VWC2: variants seen among roughly 807,000 people sequenced by gnomAD.
VWC2 encodes von Willebrand factor C domain containing 2.
VWC2 carries 14 observed loss-of-function variants against 29.8 expected under a neutral mutation model. The ratio of observed to expected loss-of-function variants is 0.47; its 90% CI spans 0.31 to 0.74. The LOEUF is 0.74. Among genes scored for constraint, VWC2 ranks in the 30% least tolerant of loss-of-function variants. The pLI is 0.05. For synonymous variants in VWC2, 213 were observed against 199.0 expected, an observed-to-expected ratio of 1.07 and a Z score of -0.59; for missense variants, 457 against 459.8, an observed-to-expected ratio of 0.99 and a Z score of 0.05.
rs116242478 is a variant in VWC2 at position 49,780,168 on chromosome 7, G to C, written c.696+4037G>C. Among the ~76,000 whole-genome samples, 214 of 152,326 alleles carry C rather than the reference G, an allele frequency of 1.4e-3. 2 individuals carry two copies. The highest frequency in any genetic ancestry group is 4.9e-3 in the African/African-American group (205 of 41,556). On this transcript the variant is annotated intron_variant, in intron 2 of 3. Coordinates refer to ENST00000340652, the MANE Select transcript of VWC2 (RefSeq NM_198570.5). ...AAAACAGTGCTTATGACGAAGGCAC[G>C]GAGTGAGTGGTGATGAAGTGTATGC...
At chr7:49,796,141 A>T (rs1447949265) in intron 2 of VWC2, among the ~76,000 whole-genome samples, 1 of 152,250 alleles carries the variant, frequency 6.6e-6, no homozygotes, top group Non-Finnish European at 1.5e-5. Context: ...CTAATGGAAG[A>T]AATAGCAAAA....
rs1452374172 is a variant in VWC2 at position 49,918,461 on chromosome 7, C to T, written c.*6276C>T. 5 of 152,166 alleles carry T rather than the reference C, an allele frequency of 3.3e-5. No individual in the cohort carries two copies. Among genetic ancestry groups the T allele is most frequent in the Non-Finnish European group, 7.4e-5 (5 of 68,026 alleles). The allele number at this position is 152,166 out of a possible 1,614,324, so 9.4% of individuals were successfully genotyped here. A position where few individuals can be genotyped will look rare whatever the true frequency, so the allele number is the denominator to read the frequency against. On this transcript the variant is annotated 3_prime_UTR_variant, in exon 4 of 4. Transcript: ENST00000340652. ...TGTCAAAGTAAATAGTAGCTCGTCA[C>T]AAAAATGTTGTAGCCTCCCTAGTCT...
chr7:49,863,925 CTGTAAGTTTTCG>C (rs1397776088), intron 3 of VWC2, among the ~76,000 whole-genome samples: 5 of 151,922 alleles, frequency 3.3e-5, no homozygotes, highest in Non-Finnish European at 5.9e-5. Context: ...ATAGTTTTTT[CTGTAAGTTTTCG>C]TATGTTGTTT....
Position 49,875,482 on chromosome 7 carries a change from T to G in VWC2, c.827-36552T>G, listed in dbSNP as rs13245999. Among the ~76,000 whole-genome samples the G allele has an allele frequency of 1.4e-3, 215 of 150,844 alleles. 2 individuals carry two copies. The highest frequency in any genetic ancestry group is 2.3e-3 in the East Asian group (12 of 5,162). ...AGGTCAGTTCACTCACAATGTGGAG[T>G]CTCTGTGCTGAGCTGGGGAAGCTGG... On this transcript the variant is annotated intron_variant, in intron 3 of 3. Coordinates refer to ENST00000340652, the MANE Select transcript of VWC2 (RefSeq NM_198570.5).
intron 2 of VWC2, among the ~76,000 whole-genome samples, chr7:49,778,161 T>C (rs916211155): frequency 1.2e-4 from 18 of 152,004 alleles, no homozygotes; most frequent in Non-Finnish European, 2.4e-4. Context: ...AAGCTGCTTT[T>C]GTCTATGGAG....
chr7:49,848,795 T>C (rs1039790966), intron 3 of VWC2, among the ~76,000 whole-genome samples: 3 of 152,254 alleles, frequency 2.0e-5, no homozygotes, highest in African/African-American at 4.8e-5. Flanking sequence ...CCTTAAATTA[T>C]TTTTTATGCC....
chr7:49,832,382 C>T (rs959912561), intron 3 of VWC2, among the ~76,000 whole-genome samples: 1 of 152,022 alleles, frequency 6.6e-6, no homozygotes, highest in Admixed American at 6.5e-5. Flanking sequence ...GAACCTCATT[C>T]TATTTTCTGA....
intron 3 of VWC2, among the ~76,000 whole-genome samples, chr7:49,806,595 A>G (rs1283584196): frequency 6.6e-6 from 1 of 152,222 alleles, no homozygotes; most frequent in Non-Finnish European, 1.5e-5. Context: ...ACATACGTTC[A>G]TGGGAAAATA....
intron 3 of VWC2, among the ~76,000 whole-genome samples, chr7:49,887,400 G>C (rs1791948093): frequency 1.3e-5 from 2 of 152,184 alleles, no homozygotes; most frequent in African/African-American, 4.8e-5. Context: ...GACAGACAAA[G>C]ATATTGACAT....
intron 3 of VWC2, among the ~76,000 whole-genome samples, chr7:49,806,095 T>TCCC (rs375003725): frequency 2.6e-5 from 4 of 151,512 alleles, no homozygotes; most frequent in South Asian, 2.1e-4. Flanking sequence ...GTTTTTAAAT[T>TCCC]CCACCCCCCC....
At chr7:49,830,934 T>TG (rs1789512051) in intron 3 of VWC2, among the ~76,000 whole-genome samples, 1 of 152,138 alleles carries the variant, frequency 6.6e-6, no homozygotes, top group Non-Finnish European at 1.5e-5. Flanking sequence ...GACATTTGGG[T>TG]TGGTTCCAAG....
chr7:49,792,106 T>C (rs1788473453), intron 2 of VWC2, among the ~76,000 whole-genome samples: 1 of 152,210 alleles, frequency 6.6e-6, no homozygotes, highest in Admixed American at 6.5e-5. Context: ...GCCCTCCACA[T>C]CCACAGATGC....
chr7:49,817,013 A>G (rs967065678), intron 3 of VWC2, among the ~76,000 whole-genome samples: 18 of 152,192 alleles, frequency 1.2e-4, no homozygotes, highest in African/African-American at 4.3e-4. Context: ...AGTTTCTTAA[A>G]GGTAATATCC....
chr7:49,853,606 G>A (rs555149918), intron 3 of VWC2, among the ~76,000 whole-genome samples: 1 of 151,996 alleles, frequency 6.6e-6, no homozygotes, highest in South Asian at 2.1e-4. Flanking sequence ...CATAAAGTAT[G>A]TTTACGAACA....
At chr7:49,847,849 G>A (rs1444870683) in intron 3 of VWC2, among the ~76,000 whole-genome samples, 2 of 152,154 alleles carry the variant, frequency 1.3e-5, no homozygotes, top group African/African-American at 4.8e-5. Context: ...CGCAGAGGAG[G>A]TCATGGGGAT....
chr7:49,877,933 T>C (rs1791512600), intron 3 of VWC2, among the ~76,000 whole-genome samples: 1 of 152,058 alleles, frequency 6.6e-6, no homozygotes, highest in South Asian at 2.1e-4. Context: ...AAAACATAGG[T>C]TCTGTCATTT....
chr7:49,857,464 G>C (rs116205809), intron 3 of VWC2, among the ~76,000 whole-genome samples: 2,322 of 152,204 alleles, frequency 0.015, 61 homozygotes, highest in African/African-American at 0.053. Context: ...CATATCTTAG[G>C]TATTGTGAAT....
Position 49,917,953 on chromosome 7 carries a change from T to C in VWC2, c.*5768T>C, listed in dbSNP as rs917798587. 4.6e-5 allele frequency: 7 copies of C among 152,150 alleles called. No homozygotes were observed. The highest frequency in any genetic ancestry group is 7.4e-5 in the Non-Finnish European group (5 of 68,012). The allele number at this position is 152,150 out of a possible 1,614,324, so 9.4% of individuals were successfully genotyped here. Reference sequence around the variant, plus strand: ...AGGGTTTATTCTTTTCCTAAGCATATAATTCTTATAATGGAAAAAAGTGAA... The same window carrying C: ...AGGGTTTATTCTTTTCCTAAGCATACAATTCTTATAATGGAAAAAAGTGAA... On this transcript the variant is annotated 3_prime_UTR_variant, in exon 4 of 4. Transcript: ENST00000340652.
chr7:49,784,196 T>A (rs1788244933), intron 2 of VWC2, among the ~76,000 whole-genome samples: 1 of 152,230 alleles, frequency 6.6e-6, no homozygotes. Flanking sequence ...GAGCTTCTAG[T>A]GTAGTCATCA....
Sources: gnomAD v4.1 joint callset for allele counts (sites outside exome capture counted in the v4.1 genomes callset) on GRCh38, gnomAD v4.1.1 for gene constraint, MANE v1.5 for transcripts, NCBI Gene and HGNC (gene_info 2026-07-23, HGNC 2026-07-21) for gene names.